Variants in CRIM1 observed in about 807,000 individuals in gnomAD.
CRIM1 encodes cysteine-rich motor neuron 1 protein.
Under a neutral mutation model 116.4 loss-of-function variants are expected in CRIM1, and 32 were observed. The ratio of observed to expected loss-of-function variants is 0.27; its 90% CI spans 0.21 to 0.37. The LOEUF (loss-of-function observed/expected upper bound fraction) is 0.37. CRIM1 is among the 10% of genes least tolerant of loss of function. The probability of loss-of-function intolerance (pLI) is 1.00; values close to 1 mark genes in which losing one functional copy is unlikely to be tolerated. For synonymous variants in CRIM1, 590 were observed against 509.2 expected, an observed-to-expected ratio of 1.16 and a Z score of -2.13; for missense variants, 1,331 against 1,354.8, an observed-to-expected ratio of 0.98 and a Z score of 0.28.
At chr2:36,511,457 AT>A (rs368226868) in intron 9 of CRIM1, among the ~76,000 whole-genome samples, 322 of 152,364 alleles carry the variant, frequency 2.1e-3, no homozygotes, top group Middle Eastern at 6.8e-3. Context: ...TATGATGTCA[AT>A]AAGAGTATTA....
intron 1 of CRIM1, among the ~76,000 whole-genome samples, chr2:36,371,930 G>C (rs1669972128): frequency 6.6e-6 from 1 of 152,110 alleles, no homozygotes; most frequent in African/African-American, 2.4e-5. Flanking sequence ...ATCATGACTT[G>C]GTGATAGCAA....
chr2:36,399,930 A>C (rs1033445252), intron 2 of CRIM1, among the ~76,000 whole-genome samples: 1 of 152,236 alleles, frequency 6.6e-6, no homozygotes, highest in Non-Finnish European at 1.5e-5. Context: ...AGGGTCACCT[A>C]CTGGTGCTGA....
chr2:36,417,254 G>A (rs867942108), intron 2 of CRIM1, among the ~76,000 whole-genome samples: 13 of 151,820 alleles, frequency 8.6e-5, no homozygotes, highest in Middle Eastern at 3.4e-3. Flanking sequence ...CTACTGTCTC[G>A]CCCACCATAC....
intron 7 of CRIM1, among the ~76,000 whole-genome samples, chr2:36,484,479 C>T (rs529356549): frequency 6.6e-6 from 1 of 152,164 alleles, no homozygotes; most frequent in South Asian, 2.1e-4. Context: ...GAAGTTTTGG[C>T]TACATGACAT....
intron 4 of CRIM1, among the ~76,000 whole-genome samples, chr2:36,463,048 C>T (rs1282803087): frequency 6.6e-6 from 1 of 152,166 alleles, no homozygotes; most frequent in African/African-American, 2.4e-5. Flanking sequence ...ACAATTGCAG[C>T]AAAACCTGAA....
intron 1 of CRIM1, among the ~76,000 whole-genome samples, chr2:36,363,141 A>G (rs1002507958): frequency 4.0e-5 from 6 of 150,978 alleles, no homozygotes; most frequent in Non-Finnish European, 8.8e-5. Context: ...CAGAGGCTGC[A>G]GTGAGCTGAA....
intron 1 of CRIM1, among the ~76,000 whole-genome samples, chr2:36,365,212 T>C (rs894843326): frequency 6.6e-6 from 1 of 152,220 alleles, no homozygotes; most frequent in Non-Finnish European, 1.5e-5. Flanking sequence ...TGTGAACACT[T>C]GCTTGATTTT....
In CRIM1 at chr2:36,393,434, TAA is replaced by T. The variant is rs1671774108; in HGVS notation, c.332-3178_332-3177del. ...TTTTTTAATTAGACACTTTTTTTGTTAAAGACACAACTGCATTGACCATACCA... is the reference window on the plus strand; with the variant it reads ...TTTTTTAATTAGACACTTTTTTTGTTAGACACAACTGCATTGACCATACCA... On this transcript the variant is annotated intron_variant, in intron 1 of 16. Transcript: ENST00000280527. Among the ~76,000 whole-genome samples the T allele has an allele frequency of 2.0e-5, 3 of 152,234 alleles. No homozygotes were observed. The South Asian group carries it at 6.2e-4, about 32-fold the overall frequency.
chr2:36,462,204 CT>C (rs1192692926), intron 4 of CRIM1, among the ~76,000 whole-genome samples: 2 of 151,562 alleles, frequency 1.3e-5, no homozygotes, highest in African/African-American at 4.8e-5. Context: ...TTGTAAGGGA[CT>C]TTAAAAAAAA....
At chr2:36,368,202 G>A (rs1440196493) in intron 1 of CRIM1, among the ~76,000 whole-genome samples, 1 of 152,190 alleles carries the variant, frequency 6.6e-6, no homozygotes, top group Non-Finnish European at 1.5e-5. Context: ...TGGGGTCGCT[G>A]GCCAAACGTG....
intron 2 of CRIM1, among the ~76,000 whole-genome samples, chr2:36,417,576 G>A (rs1011342150): frequency 6.6e-6 from 1 of 152,102 alleles, no homozygotes; most frequent in African/African-American, 2.4e-5. Context: ...TGGGATCCTT[G>A]TAGGATCTTC....
At chr2:36,504,312 A>G (rs1206018160) in intron 8 of CRIM1, among the ~76,000 whole-genome samples, 1 of 152,242 alleles carries the variant, frequency 6.6e-6, no homozygotes, top group Non-Finnish European at 1.5e-5. Context: ...AAGATTAAAA[A>G]TAGTCCTTAC....
chr2:36,453,996 G>A (rs534181909), intron 4 of CRIM1, among the ~76,000 whole-genome samples: 2 of 152,282 alleles, frequency 1.3e-5, no homozygotes, highest in African/African-American at 2.4e-5. Flanking sequence ...TCATGACAAT[G>A]TTGGGTTTTC....
intron 2 of CRIM1, among the ~76,000 whole-genome samples, chr2:36,427,546 C>G (rs944469549): frequency 3.9e-5 from 6 of 152,190 alleles, no homozygotes; most frequent in Admixed American, 6.5e-5. Context: ...ACAACTTCCA[C>G]AGGAAGCATT....
intron 4 of CRIM1, among the ~76,000 whole-genome samples, chr2:36,460,376 C>T (rs908709953): frequency 2.6e-5 from 4 of 152,008 alleles, no homozygotes; most frequent in South Asian, 2.1e-4. Context: ...TGCTAAGGGC[C>T]GGAGATCAGG....
intron 2 of CRIM1, among the ~76,000 whole-genome samples, chr2:36,412,540 T>C (rs1390279045): frequency 6.6e-6 from 1 of 152,222 alleles, no homozygotes; most frequent in East Asian, 1.9e-4. Context: ...AATCATATAC[T>C]GACTTTGATG....
At chr2:36,528,434 T>C (rs1383116483) in intron 13 of CRIM1, among the ~76,000 whole-genome samples, 1 of 152,242 alleles carries the variant, frequency 6.6e-6, no homozygotes, top group Non-Finnish European at 1.5e-5. Flanking sequence ...CAAACCACAC[T>C]GTTCTTTCAT....
intron 4 of CRIM1, among the ~76,000 whole-genome samples, chr2:36,459,343 A>G (rs1169865296): frequency 6.6e-6 from 1 of 152,226 alleles, no homozygotes; most frequent in Admixed American, 6.5e-5. Flanking sequence ...AAAGCACTGT[A>G]CCTAGAAGCT....
At chr2:36,521,375 T>C (rs1345797892) in intron 12 of CRIM1, among the ~76,000 whole-genome samples, 1 of 152,172 alleles carries the variant, frequency 6.6e-6, no homozygotes, top group African/African-American at 2.4e-5. Context: ...TTAGGTGGTT[T>C]TTGGTAGTCT....
Sources: gnomAD v4.1 joint callset for allele counts (sites outside exome capture counted in the v4.1 genomes callset) on GRCh38, gnomAD v4.1.1 for gene constraint, MANE v1.5 for transcripts, NCBI Gene and HGNC (gene_info 2026-07-23, HGNC 2026-07-21) for gene names.